Variants in MACF1 observed in about 807,000 individuals in gnomAD.
MACF1 encodes microtubule-actin cross-linking factor 1.
In MACF1, 193 loss-of-function variants were observed where a neutral mutation model predicts 854.8. The ratio of observed to expected loss-of-function variants is 0.23; its 90% CI spans 0.20 to 0.25. The LOEUF (loss-of-function observed/expected upper bound fraction) is 0.25. Ranked by LOEUF, MACF1 falls within the 10% of genes least tolerant of loss-of-function variation. The pLI is 1.00. For synonymous variants in MACF1, 3,185 were observed against 3,226.7 expected, an observed-to-expected ratio of 0.99 and a Z score of 0.44; for missense variants, 7,722 against 8,929.1, an observed-to-expected ratio of 0.86 and a Z score of 5.45.
At position 39,452,192 on chromosome 1, in the gene MACF1, G is replaced by T. The variant is rs146089082; in HGVS notation, c.20455G>T (p.Val6819Phe). 1.2e-6 allele frequency: 2 copies of T among 1,612,500 alleles called. No individual in the cohort carries two copies. The highest frequency in any genetic ancestry group is 1.7e-6 in the Non-Finnish European group (2 of 1,179,314). Residue 6819 changes from valine (V) to phenylalanine (F), a missense_variant, in exon 86 of 101, where the codon GTT becomes TTT. This residue lies in a region of MACF1 where 729 missense variants were observed against 900.5 expected (regional missense o/e 0.81). Transcript: ENST00000564288. ...QKELGKRTGT[V>F]QVLKRSGREL... is the part of the protein sequence containing the mutation. ...GGAACTGGGAAAGCGAACAGGAACC[G>T]TTCAGGTCCTGAAGCGGTCAGGCCG...
intron 20 of MACF1, among the ~76,000 whole-genome samples, chr1:39,296,776 G>GAAAGGAAGGAAGGAAGGA (rs1645915761): frequency 2.5e-5 from 2 of 81,374 alleles, no homozygotes; most frequent in Middle Eastern, 5.4e-3. Flanking sequence ...GGAAGGAAAA[G>GAAAGGAAGGAAGGAAGGA]AAAGAAAGAA....
intron 6 of MACF1, chr1:39,269,467 G>A (rs1342541245): frequency 5.4e-6 from 7 of 1,289,718 alleles, no homozygotes; most frequent in East Asian, 5.5e-5. Flanking sequence ...GGCCAAAGAC[G>A]CACGGAGCCT....
rs200772852 is a variant in MACF1 at position 39,424,184 on chromosome 1, G to T, written c.16306G>T (p.Ala5436Ser). The T allele has an allele frequency of 7.5e-5, 121 of 1,613,030 alleles. No individual in the cohort carries two copies. The highest frequency in any genetic ancestry group is 9.2e-5 in the Non-Finnish European group (109 of 1,179,592). The change falls in exon 61 of 101, where the codon GCA becomes TCA. Residue 5436 changes from alanine to serine, a missense_variant. Ala to Ser is a moderately conservative substitution (Grantham distance 99). Coordinates refer to ENST00000564288, the MANE Select transcript of MACF1 (RefSeq NM_001394062.1). ...TAGATGGACTGAACTACTCAGTAAG[G>T]CAGCAGCCAGGTAAGATCAAAGGAA... ...ESRWTELLSK[A>S]AARQKQLEDI...
chr1:39,414,399 T>C (rs1643191557), intron 58 of MACF1: 2 of 1,613,980 alleles, frequency 1.2e-6, no homozygotes, highest in African/African-American at 2.7e-5. Flanking sequence ...CCCTAGTATT[T>C]GGCATAAAAG....
chr1:39,267,990 T>G (rs1222544748), intron 6 of MACF1, among the ~76,000 whole-genome samples: 1 of 152,256 alleles, frequency 6.6e-6, no homozygotes, highest in East Asian at 1.9e-4. Context: ...TAAAATAATT[T>G]TATTGTTTTC....
At chr1:39,456,403 T>C (rs865860371) in intron 89 of MACF1, among the ~76,000 whole-genome samples, 5 of 152,346 alleles carry the variant, frequency 3.3e-5, no homozygotes, top group Non-Finnish European at 4.4e-5. Context: ...GTCAACACTT[T>C]ATTATAAAAT....
intron 70 of MACF1, among the ~76,000 whole-genome samples, chr1:39,436,219 C>A (rs1643971754): frequency 6.6e-6 from 1 of 152,190 alleles, no homozygotes; most frequent in South Asian, 2.1e-4. Context: ...CATAAACCAG[C>A]AGAGGGATTT....
intron 2 of MACF1, among the ~76,000 whole-genome samples, chr1:39,111,136 G>A (rs963366713): frequency 3.3e-5 from 5 of 152,104 alleles, no homozygotes; most frequent in African/African-American, 9.7e-5. Flanking sequence ...AGCCTCTCTC[G>A]TCTGGCTTCT....
intron 1 of MACF1, among the ~76,000 whole-genome samples, chr1:39,213,293 G>A (rs928825116): frequency 6.6e-6 from 1 of 151,540 alleles, no homozygotes; most frequent in African/African-American, 2.4e-5. Context: ...TAGAGATGGG[G>A]TTATGGAGAC....
chr1:39,410,388 G>C, intron 58 of MACF1: 1 of 1,613,998 alleles, frequency 6.2e-7, no homozygotes, highest in Middle Eastern at 1.6e-4. Flanking sequence ...TATATGATAC[G>C]ATGAGGATAA....
In MACF1 at chr1:39,315,540, A is replaced by G. The variant is rs752265453; in HGVS notation, c.3298A>G (p.Arg1100Gly). The G allele has an allele frequency of 4.3e-6, 7 of 1,613,968 alleles. No individual in the cohort carries two copies. In the African/African-American group the frequency reaches 8.0e-5, roughly 18 times the overall value. The change falls in exon 27 of 101, where the codon AGG becomes GGG. Residue 1100 changes from arginine (R) to glycine (G), a missense_variant. Around this residue, in one of 15 missense-constraint regions of MACF1, gnomAD observed 1,137 missense variants for 1,263.0 expected, o/e 0.90. Coordinates refer to ENST00000564288, the MANE Select transcript of MACF1 (RefSeq NM_001394062.1). Reference protein sequence around the residue: ...EHTQEDLQQLRSDLDAVSMKC... With the variant: ...EHTQEDLQQLGSDLDAVSMKC... The stretch of plus-strand genomic sequence containing the variant: ...CACCCAGGAGGATTTACAGCAATTG[A>G]GGTCAGACTTGGATGCAGTTTCTAT...
chr1:39,104,846 C>T (rs1441986365), intron 2 of MACF1, among the ~76,000 whole-genome samples: 4 of 152,234 alleles, frequency 2.6e-5, no homozygotes, highest in Non-Finnish European at 5.9e-5. Context: ...TTGCCCTTGT[C>T]CTCGTTCTGA....
intron 40 of MACF1, among the ~76,000 whole-genome samples, chr1:39,342,340 A>C (rs1215245099): frequency 6.6e-6 from 1 of 152,174 alleles, no homozygotes; most frequent in Non-Finnish European, 1.5e-5. Flanking sequence ...TGCTATTGTG[A>C]ATAGTGCTGT....
intron 2 of MACF1, among the ~76,000 whole-genome samples, chr1:39,157,355 TG>T (rs1643712596): frequency 6.6e-6 from 1 of 152,260 alleles, no homozygotes; most frequent in Non-Finnish European, 1.5e-5. Context: ...GTTTTTACAA[TG>T]CTACTTACAC....
intron 2 of MACF1, among the ~76,000 whole-genome samples, chr1:39,173,706 T>C (rs1293768837): frequency 6.6e-6 from 1 of 152,216 alleles, no homozygotes; most frequent in Non-Finnish European, 1.5e-5. Context: ...CCAGAGTTAC[T>C]GAGGGGCGGC....
In MACF1 at chr1:39,332,345, G is replaced by A. The variant is rs149445958; in HGVS notation, c.5757G>A (p.Ser1919=). 1.7e-5 allele frequency: 27 copies of A among 1,613,958 alleles called. No homozygotes were observed. The highest frequency in any genetic ancestry group is 8.0e-5 in the African/African-American group (6 of 75,006). Residue 1919 remains serine, a synonymous_variant, in exon 37 of 101, where the codon TCG becomes TCA. Transcript: ENST00000564288. ...GAGATCTTGCCAATAACTTAAAATC[G>A]ATTTGTATACCTGATGTGATGCCCC... ...LDRDLANNLK[S]ICIPDVMPHM...
chr1:39,297,140 A>G (rs1645939238), intron 20 of MACF1, among the ~76,000 whole-genome samples: 1 of 151,946 alleles, frequency 6.6e-6, no homozygotes, highest in Non-Finnish European at 1.5e-5. Context: ...GTTAGCCAAG[A>G]AGGTCTCGAT....
At chr1:39,124,964 T>C (rs896770010) in intron 2 of MACF1, among the ~76,000 whole-genome samples, 2 of 152,214 alleles carry the variant, frequency 1.3e-5, no homozygotes, top group Admixed American at 1.3e-4. Flanking sequence ...CTCAAACTTA[T>C]GTGGTGTGAT....
chr1:39,469,014 A>C (rs1644724655), intron 96 of MACF1, among the ~76,000 whole-genome samples: 1 of 152,156 alleles, frequency 6.6e-6, no homozygotes, highest in Admixed American at 6.5e-5. Context: ...TGGGGTATTA[A>C]ATTAACACTA....
Sources: allele counts gnomAD v4.1 joint callset (sites outside exome capture counted in the v4.1 genomes callset), GRCh38; gene constraint gnomAD v4.1.1; regional missense constraint gnomAD v4.1.1; transcripts MANE v1.5; gene names NCBI Gene and HGNC (gene_info 2026-07-23, HGNC 2026-07-21).